SUMF1: variants seen among roughly 807,000 people sequenced by gnomAD.
SUMF1 encodes the protein formylglycine-generating enzyme.
Under a neutral mutation model 47.6 loss-of-function variants are expected in SUMF1, and 48 were observed. The observed-to-expected ratio is 1.01, with a 90% confidence interval of 0.80 to 1.28. SUMF1 has a LOEUF of 1.28. Ranked by LOEUF, SUMF1 falls within the 50% of genes most tolerant of loss-of-function variation. The probability of loss-of-function intolerance (pLI) is 0.00; values close to 1 mark genes in which losing one functional copy is unlikely to be tolerated. For missense variants in SUMF1, 571 were observed against 485.4 expected (o/e 1.18, Z -1.66); for synonymous variants, 230 against 192.1 (o/e 1.20, Z -1.63).
rs750989747 is a variant in SUMF1 at position 4,362,253 on chromosome 3, GACTGTGT to G, written c.1015-6_1015del. On this transcript the variant is annotated splice_acceptor_variant and splice_polypyrimidine_tract_variant and coding_sequence_variant and intron_variant, in exon 9 of 9. Transcript: ENST00000272902. LOFTEE classifies it high-confidence loss of function. ...AGCACAGCGATACCTGTAACAATAAGACTGTGTAGAGAGAAAGAGCAAGGTAAGTGCT... is the reference window on the plus strand; with the variant it reads ...AGCACAGCGATACCTGTAACAATAAGAGAGAGAAAGAGCAAGGTAAGTGCT... 6.2e-7 allele frequency: 1 copy of G among 1,613,746 alleles called. No homozygotes were observed. Among genetic ancestry groups the G allele is most frequent in the Non-Finnish European group, 8.5e-7 (1 of 1,179,684 alleles).
intron 7 of SUMF1, among the ~76,000 whole-genome samples, chr3:4,387,512 C>T (rs929016819): frequency 2.0e-5 from 3 of 151,864 alleles, no homozygotes; most frequent in African/African-American, 7.2e-5. Flanking sequence ...AGAGGTTTGT[C>T]AATTTTATAA....
At chr3:4,462,904 T>C (rs1176064519) in intron 1 of SUMF1, among the ~76,000 whole-genome samples, 2 of 152,230 alleles carry the variant, frequency 1.3e-5, no homozygotes, top group Admixed American at 6.5e-5. Context: ...CTGAGCTATA[T>C]GATTCCTTTA....
At chr3:4,150,400 A>G (rs751116690) in intron 8 of SUMF1, among the ~76,000 whole-genome samples, 2 of 151,520 alleles carry the variant, frequency 1.3e-5, no homozygotes, top group African/African-American at 4.9e-5. Context: ...CGTCTCTACT[A>G]AAACACAAAA....
chr3:4,186,722 A>C (rs891067470), intron 8 of SUMF1, among the ~76,000 whole-genome samples: 2 of 152,154 alleles, frequency 1.3e-5, no homozygotes, highest in African/African-American at 4.8e-5. Context: ...TGAATGTAAA[A>C]TGCAAATTCA....
Position 4,099,819 on chromosome 3 carries a change from T to C in SUMF1, c.1015-31074A>G, listed in dbSNP as rs143631534. 8.6e-3 allele frequency among the ~76,000 whole-genome samples: 1,290 copies of C among 150,404 alleles called. 24 individuals carry two copies. Among genetic ancestry groups the C allele is most frequent in the African/African-American group, 0.03 (1,215 of 40,878 alleles). On this transcript the variant is annotated intron_variant and NMD_transcript_variant, in intron 8 of 12. Coordinates refer to the SUMF1 transcript ENST00000448413. ...GTTTCTATACACTAACCACAAACTG[T>C]CTGAAAAAAGAAACTAAGAAAATAA...
intron 8 of SUMF1, among the ~76,000 whole-genome samples, chr3:4,188,047 T>C (rs1349365424): frequency 6.6e-6 from 1 of 152,106 alleles, no homozygotes; most frequent in Non-Finnish European, 1.5e-5. Flanking sequence ...ATTTCTCATA[T>C]ACCCCCTACA....
chr3:4,408,913 G>A (rs1701456258), intron 7 of SUMF1, among the ~76,000 whole-genome samples: 2 of 151,948 alleles, frequency 1.3e-5, no homozygotes, highest in South Asian at 4.1e-4. Context: ...AGTGAGCTGA[G>A]ATCACGCCAC....
At chr3:4,267,937 G>A (rs552041625) in intron 8 of SUMF1, among the ~76,000 whole-genome samples, 9 of 151,104 alleles carry the variant, frequency 6.0e-5, no homozygotes, top group Admixed American at 2.0e-4. Context: ...ACATGCACAC[G>A]TATGTTTATT....
rs2322683 is a variant in SUMF1 at position 4,426,914 on chromosome 3, C to G, written c.520-6768G>C. On this transcript the variant is annotated intron_variant, in intron 3 of 8. Transcript: ENST00000272902. ...GTTTAAGTTGAAACAGCTGTATGAGCCAGCCAGTGACCAATTACAATGTAA... is the reference window on the plus strand; with the variant it reads ...GTTTAAGTTGAAACAGCTGTATGAGGCAGCCAGTGACCAATTACAATGTAA... Among the ~76,000 whole-genome samples, 405 of 152,128 alleles carry G rather than the reference C, an allele frequency of 2.7e-3. 2 individuals carry two copies. The highest frequency in any genetic ancestry group is 9.1e-3 in the African/African-American group (377 of 41,498).
downstream of SUMF1, among the ~76,000 whole-genome samples, chr3:4,358,799 AT>A (rs892333285): frequency 6.6e-6 from 1 of 152,140 alleles, no homozygotes; most frequent in African/African-American, 2.4e-5. Flanking sequence ...CCCAGATCAG[AT>A]TTTTTACTTT....
At chr3:4,376,196 T>C in intron 8 of SUMF1, 134 bp downstream of exon 8, 1 of 1,090,672 alleles carries the variant, frequency 9.2e-7, no homozygotes, top group South Asian at 1.3e-5. Context: ...ACTGTCCTCC[T>C]TTTTTTCTGG....
intron 8 of SUMF1, among the ~76,000 whole-genome samples, chr3:4,145,015 C>T (rs1264069716): frequency 4.0e-5 from 6 of 151,738 alleles, no homozygotes; most frequent in Non-Finnish European, 8.8e-5. Flanking sequence ...CTGGCTAACA[C>T]GGTGAAACCC....
At chr3:4,104,620 C>A (rs1002355059) in intron 8 of SUMF1, among the ~76,000 whole-genome samples, 4 of 151,756 alleles carry the variant, frequency 2.6e-5, no homozygotes. Flanking sequence ...AGGTTGGTGT[C>A]CTGTACTAAA....
At chr3:4,202,728 C>T (rs1695567479) in intron 8 of SUMF1, among the ~76,000 whole-genome samples, 1 of 151,792 alleles carries the variant, frequency 6.6e-6, no homozygotes, top group Non-Finnish European at 1.5e-5. Flanking sequence ...TTGGTTCTTC[C>T]AGTCCATGAA....
At chr3:4,147,960 T>A (rs1694234580) in intron 8 of SUMF1, among the ~76,000 whole-genome samples, 1 of 152,132 alleles carries the variant, frequency 6.6e-6, no homozygotes, top group African/African-American at 2.4e-5. Flanking sequence ...CTCCGCACTA[T>A]GCTAGGAAAT....
At chr3:4,451,830 C>A (rs1575240105) in intron 2 of SUMF1, among the ~76,000 whole-genome samples, 1 of 152,092 alleles carries the variant, frequency 6.6e-6, no homozygotes, top group Non-Finnish European at 1.5e-5. Context: ...ACTACGGGTG[C>A]CCGCCACCAT....
chr3:4,303,012 G>C lies in SUMF1; in HGVS notation c.1014+73318C>G, dbSNP rs185686546. Among the ~76,000 whole-genome samples, 8 of 152,192 alleles carry C rather than the reference G, an allele frequency of 5.3e-5. No homozygotes were observed. The East Asian group carries it at 1.5e-3, about 29-fold the overall frequency. On this transcript the variant is annotated intron_variant and NMD_transcript_variant, in intron 8 of 12. Coordinates refer to the SUMF1 transcript ENST00000448413. ...TAGAAACCTTGGTGTGCGTTTCCCC[G>C]CTCGGTTTAGAACGCACCCCTGCCT...
At chr3:4,100,161 G>A (rs537320345) in intron 8 of SUMF1, among the ~76,000 whole-genome samples, 5 of 151,166 alleles carry the variant, frequency 3.3e-5, no homozygotes, top group African/African-American at 7.3e-5. Context: ...AAATTCTAAC[G>A]TAATTCTTCA....
intron 1 of SUMF1, among the ~76,000 whole-genome samples, chr3:4,462,901 A>G (rs1019722595): frequency 2.6e-5 from 4 of 152,220 alleles, no homozygotes; most frequent in East Asian, 1.9e-4. Flanking sequence ...GTTCTGAGCT[A>G]TATGATTCCT....
Sources: gnomAD v4.1 joint callset for allele counts (sites outside exome capture counted in the v4.1 genomes callset) on GRCh38, gnomAD v4.1.1 for gene constraint, MANE v1.5 for transcripts, NCBI Gene and HGNC (gene_info 2026-07-23, HGNC 2026-07-21) for gene names.